Variants in B3GALT1 observed in about 807,000 individuals in gnomAD.
B3GALT1 encodes the protein beta-1,3-galactosyltransferase 1.
A neutral mutation model predicts 23.2 loss-of-function variants in B3GALT1; 10 were observed. The observed-to-expected ratio is 0.43, with a 90% CI of 0.27 to 0.73. The LOEUF is 0.73. Ranked by LOEUF, B3GALT1 falls within the 30% of genes least tolerant of loss-of-function variation. B3GALT1 has a pLI of 0.21. For synonymous variants in B3GALT1, 156 were observed against 141.5 expected, an observed-to-expected ratio of 1.10 and a Z score of -0.73; for missense variants, 299 against 405.4, an observed-to-expected ratio of 0.74 and a Z score of 2.25.
intron 2 of B3GALT1, among the ~76,000 whole-genome samples, chr2:167,570,894 A>T (rs993452695): frequency 1.3e-5 from 2 of 151,996 alleles, no homozygotes; most frequent in Non-Finnish European, 2.9e-5. Context: ...TCATGCAGTT[A>T]AAAAGAAATC....
chr2:167,659,655 G>A (rs1027760141), intron 3 of B3GALT1, among the ~76,000 whole-genome samples: 3 of 152,004 alleles, frequency 2.0e-5, no homozygotes, highest in African/African-American at 7.2e-5. Flanking sequence ...TAAAGCCAGA[G>A]AAACATTTGT....
chr2:167,669,323 A>G (rs991729113), intron 3 of B3GALT1, among the ~76,000 whole-genome samples: 1 of 152,208 alleles, frequency 6.6e-6, no homozygotes, highest in Non-Finnish European at 1.5e-5. Context: ...ATCAAAATTT[A>G]TTTTCAAAGT....
At chr2:167,695,202 C>A (rs1260381854) in intron 3 of B3GALT1, among the ~76,000 whole-genome samples, 4 of 152,100 alleles carry the variant, frequency 2.6e-5, no homozygotes, top group Admixed American at 6.6e-5. Context: ...TTCTCAAATT[C>A]AGTTCACTCT....
intron 3 of B3GALT1, among the ~76,000 whole-genome samples, chr2:167,659,595 C>A (rs1287505385): frequency 1.3e-5 from 2 of 151,992 alleles, no homozygotes; most frequent in Non-Finnish European, 2.9e-5. Flanking sequence ...ACAGTAGATG[C>A]AAATACTGAA....
intron 2 of B3GALT1, among the ~76,000 whole-genome samples, chr2:167,561,087 A>G (rs1175083320): frequency 1.3e-5 from 2 of 152,166 alleles, no homozygotes; most frequent in African/African-American, 2.4e-5. Context: ...GTAAAAGAAC[A>G]GAAATTATAA....
chr2:167,596,289 G>C (rs1684773074), intron 2 of B3GALT1, among the ~76,000 whole-genome samples: 1 of 152,144 alleles, frequency 6.6e-6, no homozygotes, highest in African/African-American at 2.4e-5. Context: ...TGCCTTATTT[G>C]ACTGTGCCTG....
chr2:167,833,119 A>T (rs951428556), intron 4 of B3GALT1, among the ~76,000 whole-genome samples: 1 of 152,244 alleles, frequency 6.6e-6, no homozygotes, highest in Non-Finnish European at 1.5e-5. Context: ...CCTGTTTATC[A>T]GAGATGATCA....
chr2:167,492,355 G>A (rs1699721936), intron 2 of B3GALT1, among the ~76,000 whole-genome samples: 2 of 152,180 alleles, frequency 1.3e-5, no homozygotes, highest in African/African-American at 2.4e-5. Context: ...TTGGACGGAT[G>A]TACCATAGTT....
intron 1 of B3GALT1, among the ~76,000 whole-genome samples, chr2:167,399,067 A>G (rs1382990252): frequency 6.6e-6 from 1 of 152,150 alleles, no homozygotes; most frequent in Non-Finnish European, 1.5e-5. Flanking sequence ...TGGCAGAAAC[A>G]TTTTTACAGC....
At chr2:167,727,474 G>A (rs910840504) in intron 3 of B3GALT1, among the ~76,000 whole-genome samples, 8 of 152,128 alleles carry the variant, frequency 5.3e-5, no homozygotes, top group African/African-American at 1.9e-4. Context: ...GCCTACCACA[G>A]TCCATCTTCT....
At chr2:167,718,284 C>CAA (rs59948999) in intron 3 of B3GALT1, among the ~76,000 whole-genome samples, 14 of 144,088 alleles carry the variant, frequency 9.7e-5, no homozygotes, top group South Asian at 8.8e-4. Flanking sequence ...GGTTCATAAA[C>CAA]AAAAAAAAAA....
intron 1 of B3GALT1, among the ~76,000 whole-genome samples, chr2:167,315,393 T>C (rs1244554406): frequency 1.3e-5 from 2 of 151,996 alleles, no homozygotes; most frequent in Non-Finnish European, 2.9e-5. Flanking sequence ...ATTTTCAGAG[T>C]GTATTAACCT....
chr2:167,578,296 C>G lies in B3GALT1; in HGVS notation c.-409-68613C>G, dbSNP rs1574149300. ...CATTTCCTGATTACAGATGTGAAAA[C>G]TTGTTAGTGAAAAGTTCTAGGACTA... On this transcript the variant is annotated intron_variant, in intron 2 of 4. Coordinates refer to ENST00000392690, the MANE Select transcript of B3GALT1 (RefSeq NM_020981.4). 3.9e-5 allele frequency among the ~76,000 whole-genome samples: 6 copies of G among 152,014 alleles called. 1 individual carries two copies. The South Asian group carries it at 1.2e-3, about 32-fold the overall frequency.
intron 4 of B3GALT1, among the ~76,000 whole-genome samples, chr2:167,828,638 T>G (rs1689278812): frequency 6.6e-6 from 1 of 152,222 alleles, no homozygotes; most frequent in Non-Finnish European, 1.5e-5. Context: ...AACCTGAATG[T>G]GCTCTCTTTT....
At chr2:167,841,181 A>G (rs1689641722) in intron 4 of B3GALT1, among the ~76,000 whole-genome samples, 1 of 151,712 alleles carries the variant, frequency 6.6e-6, no homozygotes, top group Non-Finnish European at 1.5e-5. Flanking sequence ...ATAATAATAA[A>G]TAAATAAATA....
intron 2 of B3GALT1, among the ~76,000 whole-genome samples, chr2:167,595,125 A>G (rs1220842113): frequency 6.6e-6 from 1 of 152,096 alleles, no homozygotes; most frequent in African/African-American, 2.4e-5. Context: ...TTGAGCCTAC[A>G]GGAGAGGATG....
At chr2:167,766,431 T>C (rs781039093) in intron 3 of B3GALT1, among the ~76,000 whole-genome samples, 1 of 152,160 alleles carries the variant, frequency 6.6e-6, no homozygotes, top group South Asian at 2.1e-4. Context: ...AAATTAAAAA[T>C]GTAAACTTTA....
intron 3 of B3GALT1, among the ~76,000 whole-genome samples, chr2:167,651,263 TGTGTGTGTGCGC>T (rs112769219): frequency 0.24 from 4,606 of 19,254 alleles, 143 homozygotes; most frequent in South Asian, 0.4. Context: ...TGTGTGTGTG[TGTGTGTGTGCGC>T]GCACGTGCAC....
Position 167,868,366 on chromosome 2 carries a change from A to G in B3GALT1, c.-229-445A>G, listed in dbSNP as rs12328026. On this transcript the variant is annotated intron_variant, in intron 4 of 4. Coordinates refer to ENST00000392690, the MANE Select transcript of B3GALT1 (RefSeq NM_020981.4). Reference sequence around the variant, plus strand: ...AGAAAGCAAGGAAATGTTGAGAATCAATTCCTTCACCAGAATCAAGCAAAC... The same window carrying G: ...AGAAAGCAAGGAAATGTTGAGAATCGATTCCTTCACCAGAATCAAGCAAAC... 9.0e-3 allele frequency among the ~76,000 whole-genome samples: 1,378 copies of G among 152,298 alleles called. 21 individuals carry two copies. The highest frequency in any genetic ancestry group is 0.031 in the African/African-American group (1,299 of 41,548).
Sources: gnomAD v4.1 joint callset for allele counts (sites outside exome capture counted in the v4.1 genomes callset) on GRCh38, gnomAD v4.1.1 for gene constraint, MANE v1.5 for transcripts, NCBI Gene and HGNC (gene_info 2026-07-23, HGNC 2026-07-21) for gene names.